Variants in P2RX1 observed in about 807,000 individuals in gnomAD.
P2RX1 encodes P2X purinoceptor 1.
Under a neutral mutation model 50.3 loss-of-function variants are expected in P2RX1, and 42 were observed. The ratio of observed to expected loss-of-function variants is 0.83; its 90% confidence interval spans 0.65 to 1.08. P2RX1 has a LOEUF of 1.08. P2RX1 is among the 50% of genes least tolerant of loss of function. The pLI, the probability that P2RX1 is intolerant of heterozygous loss-of-function variation, is 0.00. For missense variants in P2RX1, 449 were observed against 529.0 expected (o/e 0.85, Z 1.48); for synonymous variants, 199 against 202.6 (o/e 0.98, Z 0.15).
intron 1 of P2RX1, among the ~76,000 whole-genome samples, chr17:3,910,945 A>G (rs922730295): frequency 1.3e-5 from 2 of 152,200 alleles, no homozygotes; most frequent in African/African-American, 4.8e-5. Flanking sequence ...ATTGAATCTC[A>G]GGCCAACCAT....
chr17:3,898,512 A>G lies in P2RX1; in HGVS notation c.1004T>C (p.Ile335Thr). ...KFDIIPTMTT[I>T]GSGIGIFGVA... ...CCCAAAGATGCCAATTCCAGAGCCG[A>G]TGGTGGTCATTGTAGGGATGATGTC... The change falls in exon 10 of 12, where the codon ATC becomes ACC. Residue 335 changes from isoleucine to threonine, a missense_variant. By Grantham distance (89) the Ile-to-Thr change is moderately conservative (BLOSUM62 -1). Transcript: ENST00000225538. 1 of 1,614,014 alleles carries G rather than the reference A, an allele frequency of 6.2e-7. No homozygotes were observed. The highest frequency in any genetic ancestry group is 8.5e-7 in the Non-Finnish European group (1 of 1,179,924).
At chr17:3,913,860 T>TC (rs2056404449) in intron 1 of P2RX1, among the ~76,000 whole-genome samples, 1 of 144,136 alleles carries the variant, frequency 6.9e-6, no homozygotes, top group Non-Finnish European at 1.6e-5. Flanking sequence ...AGTGCACTCT[T>TC]GGGGGGGGTG....
In P2RX1 at chr17:3,903,315, C is replaced by G; in HGVS notation, c.634G>C (p.Ala212Pro). 6.2e-7 allele frequency: 1 copy of G among 1,614,148 alleles called. No homozygotes were observed. The highest frequency in any genetic ancestry group is 8.5e-7 in the Non-Finnish European group (1 of 1,180,024). ...RRNLVEEVNA[A>P]HMKTCLFHKT... Reference sequence around the variant, plus strand: ...TGAAAGAGGCAGGTCTTCATGTGGGCAGCATTCACCTCCTCCACCAGGTTG... The same window carrying G: ...TGAAAGAGGCAGGTCTTCATGTGGGGAGCATTCACCTCCTCCACCAGGTTG... Residue 212 changes from alanine to proline, a missense_variant, in exon 7 of 12, where the codon GCC becomes CCC. By Grantham distance (27) the Ala-to-Pro change is conservative. Coordinates refer to ENST00000225538, the MANE Select transcript of P2RX1 (RefSeq NM_002558.4). This position sits in a 1 kb window ranked among gnomAD's most constrained non-coding sequence, Gnocchi z 4.6.
chr17:3,903,440 C>T lies in P2RX1; in HGVS notation c.606-97G>A. 10 of 1,591,906 alleles carry T rather than the reference C, an allele frequency of 6.3e-6. No homozygotes were observed. The highest frequency in any genetic ancestry group is 7.7e-6 in the Non-Finnish European group (9 of 1,163,230). On this transcript the variant is annotated intron_variant, in intron 6 of 11. Coordinates refer to ENST00000225538, the MANE Select transcript of P2RX1 (RefSeq NM_002558.4). This position sits in a 1 kb window ranked among gnomAD's most constrained non-coding sequence, Gnocchi z 4.6. ...GGGACCCCTCACAGGCTCCACATTG[C>T]CCCTTTGATTCCTTCCACGCCAGCA...
In P2RX1 at chr17:3,898,483, C is replaced by G; in HGVS notation, c.1032+1G>C. 1 of 1,613,150 alleles carries G rather than the reference C, an allele frequency of 6.2e-7. No homozygotes were observed. Among genetic ancestry groups the G allele is most frequent in the Non-Finnish European group, 8.5e-7 (1 of 1,179,172 alleles). On this transcript the variant is annotated splice_donor_variant, in intron 10 of 11. Coordinates refer to ENST00000225538, the MANE Select transcript of P2RX1 (RefSeq NM_002558.4). LOFTEE classifies it high-confidence loss of function. ...AGTGAGCCGGTGACCCCAGCACTTACCACCCCAAAGATGCCAATTCCAGAG... is the reference window on the plus strand; with the variant it reads ...AGTGAGCCGGTGACCCCAGCACTTAGCACCCCAAAGATGCCAATTCCAGAG...
chr17:3,904,998 CG>C, intron 2 of P2RX1, 69 bp from the exon 3 acceptor site: 1 of 1,260,124 alleles, frequency 7.9e-7, no homozygotes. Context: ...AGGGCCCCAC[CG>C]CTGCCCCAGC....
Position 3,905,352 on chromosome 17 carries a change from A to G in P2RX1, c.153T>C (p.Tyr51=), listed in dbSNP as rs766928626. 6.2e-7 allele frequency: 1 copy of G among 1,613,704 alleles called. No homozygotes were observed. The highest frequency in any genetic ancestry group is 8.5e-7 in the Non-Finnish European group (1 of 1,179,998). Residue 51 remains tyrosine (Y), a synonymous_variant, in exon 2 of 12, where the codon TAT becomes TAC. Coordinates refer to ENST00000225538, the MANE Select transcript of P2RX1 (RefSeq NM_002558.4). ...CGCTCGAGGTCTGGTAGCCCTTCTCATAGAGAAACACCCACCTGTGCGGGT... is the reference window on the plus strand; with the variant it reads ...CGCTCGAGGTCTGGTAGCCCTTCTCGTAGAGAAACACCCACCTGTGCGGGT... ...LVYVIGWVFL[Y]EKGYQTSSGL...
At chr17:3,913,132 C>CTT (rs555976939) in intron 1 of P2RX1, among the ~76,000 whole-genome samples, 8,931 of 134,934 alleles carry the variant, frequency 0.066, 429 homozygotes, top group South Asian at 0.17. Flanking sequence ...CTGAGACCAT[C>CTT]TTTTTTTTTT....
intron 1 of P2RX1, among the ~76,000 whole-genome samples, chr17:3,909,431 T>A (rs2056325103): frequency 6.6e-6 from 1 of 152,160 alleles, no homozygotes; most frequent in African/African-American, 2.4e-5. Flanking sequence ...CTTCACAAAT[T>A]CCTCTTTCAA....
chr17:3,907,962 T>C (rs2056296747), intron 1 of P2RX1, among the ~76,000 whole-genome samples: 1 of 152,216 alleles, frequency 6.6e-6, no homozygotes, highest in African/African-American at 2.4e-5. Context: ...CCCAACAGCT[T>C]AGCAACGTTT....
At chr17:3,904,761 C>T (rs899294997) in intron 3 of P2RX1, 97 bp downstream of exon 3, 1 of 927,028 alleles carries the variant, frequency 1.1e-6, no homozygotes. Flanking sequence ...CTGCAGGAAG[C>T]CTCTCTGGCT....
Position 3,897,769 on chromosome 17 carries a change from GC to G in P2RX1, c.*44del. On this transcript the variant is annotated 3_prime_UTR_variant, in exon 12 of 12. Coordinates refer to ENST00000225538, the MANE Select transcript of P2RX1 (RefSeq NM_002558.4). ...TGGCTGGGACCCACCAGGGCTCCAG[GC>G]TGAAGCCTCACGCTGCACCCAGTCA... The G allele has an allele frequency of 6.3e-7, 1 of 1,581,396 alleles. No individual in the cohort carries two copies. Among genetic ancestry groups the G allele is most frequent in the Non-Finnish European group, 8.7e-7 (1 of 1,155,006 alleles).
At chr17:3,898,668 C>T in intron 9 of P2RX1, 119 bp from the exon 10 acceptor site, 1 of 813,140 alleles carries the variant, frequency 1.2e-6, no homozygotes, top group South Asian at 1.4e-5. Flanking sequence ...CCACCTCGGA[C>T]TCTACATGGG....
At position 3,898,995 on chromosome 17, in the gene P2RX1, G is replaced by A; in HGVS notation, c.905C>T (p.Thr302Ile). 1.2e-6 allele frequency: 2 copies of A among 1,613,410 alleles called. No homozygotes were observed. Among genetic ancestry groups the A allele is most frequent in the Non-Finnish European group, 1.7e-6 (2 of 1,179,800 alleles). ...RFARHFVENG[T>I]NYRHLFKVFG... ...CACCTTGAAGAGGTGACGGTAGTTG[G>A]TCCCGTTCTCCACAAAGTGCCTGGC... Residue 302 changes from threonine to isoleucine, a missense_variant, in exon 9 of 12, where the codon ACC becomes ATC. Coordinates refer to ENST00000225538, the MANE Select transcript of P2RX1 (RefSeq NM_002558.4).
intron 9 of P2RX1, 89 bp downstream of exon 9, chr17:3,898,845 C>T (rs1480338522): frequency 9.3e-7 from 1 of 1,071,458 alleles, no homozygotes; most frequent in Non-Finnish European, 1.5e-6. Context: ...CACCCAACTT[C>T]CGGTTGTCTA....
intron 7 of P2RX1, among the ~76,000 whole-genome samples, chr17:3,902,133 T>G (rs1205854833): frequency 6.6e-6 from 1 of 152,136 alleles, no homozygotes; most frequent in Non-Finnish European, 1.5e-5. Context: ...TTTTATTTAT[T>G]TTTATTTTTG....
In P2RX1 at chr17:3,903,667, A is replaced by T. The variant is rs1265232344; in HGVS notation, c.525-36T>A. 1 of 1,600,824 alleles carries T rather than the reference A, an allele frequency of 6.2e-7. No individual in the cohort carries two copies. Among genetic ancestry groups the T allele is most frequent in the African/African-American group, 1.3e-5 (1 of 74,826 alleles). ...CCACACGCACTCACCGCCCCTCCCC[A>T]GGAGGCCCCCTGTGTGTCCCACACA... On this transcript the variant is annotated intron_variant, in intron 5 of 11. Transcript: ENST00000225538. This position sits in a 1 kb window ranked among gnomAD's most constrained non-coding sequence, Gnocchi z 4.6.
chr17:3,911,824 TCCCGA>T (rs2056370418), intron 1 of P2RX1, among the ~76,000 whole-genome samples: 1 of 152,154 alleles, frequency 6.6e-6, no homozygotes, highest in African/African-American at 2.4e-5. Context: ...TCACACTGTG[TCCCGA>T]CAGGAGAGCC....
intron 7 of P2RX1, among the ~76,000 whole-genome samples, chr17:3,901,481 C>G (rs1373020490): frequency 6.6e-6 from 1 of 152,210 alleles, no homozygotes; most frequent in Non-Finnish European, 1.5e-5. Context: ...CTGATCATGG[C>G]CAGGTCCACT....
Sources: gnomAD v4.1 joint callset for allele counts (sites outside exome capture counted in the v4.1 genomes callset) on GRCh38, gnomAD v4.1.1 for gene constraint, Gnocchi (gnomAD v3.1) non-coding constraint, MANE v1.5 for transcripts, NCBI Gene and HGNC (gene_info 2026-07-23, HGNC 2026-07-21) for gene names.